Variants in RCAN2 observed in about 807,000 individuals in gnomAD.
The protein encoded by RCAN2 is regulator of calcineurin 2.
Under a neutral mutation model 23.6 loss-of-function variants are expected in RCAN2, and 9 were observed. The ratio of observed to expected loss-of-function variants is 0.38; its 90% confidence interval spans 0.23 to 0.67. The LOEUF (loss-of-function observed/expected upper bound fraction) is 0.67. RCAN2 is among the 30% of genes least tolerant of loss of function. The probability of loss-of-function intolerance (pLI) is 0.51; values close to 1 mark genes in which losing one functional copy is unlikely to be tolerated. For synonymous variants in RCAN2, 109 were observed against 115.7 expected (o/e 0.94, Z 0.37); for missense variants, 273 against 302.3 (o/e 0.90, Z 0.72).
intron 2 of RCAN2, among the ~76,000 whole-genome samples, chr6:46,334,395 T>C (rs1010254419): frequency 1.3e-5 from 2 of 152,172 alleles, no homozygotes; most frequent in Non-Finnish European, 2.9e-5. Flanking sequence ...AATGAATACA[T>C]GAATGAATGA....
chr6:46,313,564 T>C (rs1383883459), intron 2 of RCAN2, among the ~76,000 whole-genome samples: 1 of 152,236 alleles, frequency 6.6e-6, no homozygotes, highest in Non-Finnish European at 1.5e-5. Flanking sequence ...TGAACTCAGG[T>C]CTTTCTGCCT....
intron 4 of RCAN2, among the ~76,000 whole-genome samples, chr6:46,227,664 T>C (rs1765720544): frequency 6.6e-6 from 1 of 152,344 alleles, no homozygotes; most frequent in Middle Eastern, 3.4e-3. Context: ...TCTATTTGAT[T>C]CTTCTCTCTT....
chr6:46,473,766 T>G (rs1768633919), intron 1 of RCAN2, among the ~76,000 whole-genome samples: 1 of 152,186 alleles, frequency 6.6e-6, no homozygotes, highest in Non-Finnish European at 1.5e-5. Context: ...CTGAATAATA[T>G]CCATGGATAT....
At chr6:46,462,288 C>A (rs545439895) in intron 1 of RCAN2, among the ~76,000 whole-genome samples, 2 of 152,234 alleles carry the variant, frequency 1.3e-5, no homozygotes, top group African/African-American at 4.8e-5. Flanking sequence ...CTTTTCCCCC[C>A]AGAAAACATC....
Position 46,347,420 on chromosome 6 carries a change from C to A in RCAN2, c.226-98524G>T, listed in dbSNP as rs190548570. On this transcript the variant is annotated intron_variant, in intron 2 of 4. Transcript: ENST00000371374. Reference sequence around the variant, plus strand: ...ATACCATGCCCTTTACATTAGGACACAATGTGTAGAAAATGGCATTGGTGT... The same window carrying A: ...ATACCATGCCCTTTACATTAGGACAAAATGTGTAGAAAATGGCATTGGTGT... Among the ~76,000 whole-genome samples, 255 of 152,238 alleles carry A rather than the reference C, an allele frequency of 1.7e-3. 6 individuals are homozygous for A. In the South Asian group the frequency reaches 0.044, roughly 26 times the overall value.
intron 1 of RCAN2, among the ~76,000 whole-genome samples, chr6:46,457,287 G>C (rs1768067355): frequency 6.6e-6 from 1 of 152,138 alleles, no homozygotes; most frequent in Non-Finnish European, 1.5e-5. Context: ...ATCGTGTATT[G>C]AGTTCCAGGC....
chr6:46,225,388 C>T (rs1765627098), intron 4 of RCAN2, among the ~76,000 whole-genome samples: 1 of 152,250 alleles, frequency 6.6e-6, no homozygotes, highest in African/African-American at 2.4e-5. Context: ...AACTAGTTTA[C>T]AGTCCCACCA....
chr6:46,470,167 C>T (rs1219874179), intron 1 of RCAN2, among the ~76,000 whole-genome samples: 1 of 152,124 alleles, frequency 6.6e-6, no homozygotes, highest in Non-Finnish European at 1.5e-5. Flanking sequence ...ACAATAGACA[C>T]CATGATAGTC....
At chr6:46,262,588 T>TTAAATAAATAAATAAA (rs10526400) in intron 2 of RCAN2, among the ~76,000 whole-genome samples, 13,504 of 146,414 alleles carry the variant, frequency 0.092, 703 homozygotes, top group African/African-American at 0.12. Context: ...AGCCTCTGTC[T>TTAAATAAATAAATAAA]TAAATAAATA....
At chr6:46,279,251 C>A (rs1403653527) in intron 2 of RCAN2, among the ~76,000 whole-genome samples, 1 of 152,196 alleles carries the variant, frequency 6.6e-6, no homozygotes, top group Non-Finnish European at 1.5e-5. Context: ...CTGACAGTTT[C>A]AATTCCTCAT....
intron 2 of RCAN2, among the ~76,000 whole-genome samples, chr6:46,296,053 A>G (rs1350369450): frequency 2.0e-5 from 3 of 149,098 alleles, no homozygotes; most frequent in Admixed American, 6.7e-5. Flanking sequence ...CTGGGATTAC[A>G]GTCCAATAGC....
intron 2 of RCAN2, among the ~76,000 whole-genome samples, chr6:46,345,394 C>A (rs1764452105): frequency 6.6e-6 from 1 of 152,062 alleles, no homozygotes; most frequent in Non-Finnish European, 1.5e-5. Context: ...ACAAACTTGA[C>A]CTAATTGATA....
chr6:46,481,870 G>T (rs768369931), intron 1 of RCAN2, among the ~76,000 whole-genome samples: 2 of 152,080 alleles, frequency 1.3e-5, no homozygotes, highest in African/African-American at 4.8e-5. Flanking sequence ...ACTTCATCTC[G>T]ATATTAGCAT....
intron 2 of RCAN2, among the ~76,000 whole-genome samples, chr6:46,363,297 T>C (rs1186744296): frequency 6.6e-6 from 1 of 152,216 alleles, no homozygotes; most frequent in East Asian, 1.9e-4. Flanking sequence ...CATATGTGCA[T>C]AGTATAATTT....
intron 2 of RCAN2, among the ~76,000 whole-genome samples, chr6:46,267,252 G>A (rs1582047079): frequency 6.6e-6 from 1 of 152,204 alleles, no homozygotes; most frequent in East Asian, 1.9e-4. Flanking sequence ...AAAATAACAT[G>A]GTCATGGTAG....
At chr6:46,367,696 A>AT (rs879406638) in intron 2 of RCAN2, among the ~76,000 whole-genome samples, 8 of 152,116 alleles carry the variant, frequency 5.3e-5, no homozygotes, top group Non-Finnish European at 8.8e-5. Flanking sequence ...TTCTGATTTA[A>AT]TTTTTCTTAT....
intron 2 of RCAN2, among the ~76,000 whole-genome samples, chr6:46,370,835 T>C (rs1371234510): frequency 6.6e-6 from 1 of 152,246 alleles, no homozygotes; most frequent in Non-Finnish European, 1.5e-5. Context: ...CACTGCATAG[T>C]GTATACTCCT....
At chr6:46,287,304 G>A (rs985328419) in intron 2 of RCAN2, among the ~76,000 whole-genome samples, 6 of 152,186 alleles carry the variant, frequency 3.9e-5, no homozygotes, top group Non-Finnish European at 5.9e-5. Flanking sequence ...ACTTTCAAAG[G>A]AGAACTTGGT....
chr6:46,224,936 C>T (rs1051936377), intron 4 of RCAN2, among the ~76,000 whole-genome samples: 3 of 151,726 alleles, frequency 2.0e-5, no homozygotes, highest in African/African-American at 7.3e-5. Flanking sequence ...CCCCCCCTTC[C>T]CCCACCCCAT....
Sources: gnomAD v4.1 joint callset for allele counts (sites outside exome capture counted in the v4.1 genomes callset) on GRCh38, gnomAD v4.1.1 for gene constraint, MANE v1.5 for transcripts, NCBI Gene and HGNC (gene_info 2026-07-23, HGNC 2026-07-21) for gene names.